ZYG11A: variants seen among roughly 807,000 people sequenced by gnomAD.
The protein encoded by ZYG11A is zyg-11 family member A, cell cycle regulator, also known as protein zyg-11 homolog A.
Under a neutral mutation model 77.2 loss-of-function variants are expected in ZYG11A, and 62 were observed. That is an observed-to-expected ratio of 0.80 (90% CI 0.65 to 0.99). ZYG11A has a LOEUF of 0.99. Among genes scored for constraint, ZYG11A ranks in the 50% least tolerant of loss-of-function variants. ZYG11A has a pLI of 0.00. For missense variants in ZYG11A, 828 were observed against 896.8 expected (o/e 0.92, Z 0.98); for synonymous variants, 315 against 324.6 (o/e 0.97, Z 0.32).
intron 1 of ZYG11A, among the ~76,000 whole-genome samples, chr1:52,845,547 C>T (rs1283429194): frequency 6.6e-6 from 1 of 151,614 alleles, no homozygotes; most frequent in Non-Finnish European, 1.5e-5. Flanking sequence ...TGGTCCTGAA[C>T]TCCTGGCCTC....
At position 52,854,632 on chromosome 1, in the gene ZYG11A, T is replaced by TAGTG. The variant is rs1477713866; in HGVS notation, c.256+4_256+7dup. 3.3e-6 allele frequency: 5 copies of TAGTG among 1,529,104 alleles called. No individual in the cohort carries two copies. In the East Asian group the frequency reaches 9.9e-5, roughly 30 times the overall value. The allele number at this position is 1,529,104 out of a possible 1,614,324, so 94.7% of individuals were successfully genotyped here. ...TTCTCAGGGTGATGACTTGGCAAGG[T>TAGTG]AGTGATAAGGCTTCTCTAAAGTCAG... is the stretch of plus-strand genomic sequence containing the variant. On this transcript the variant is annotated splice_region_variant and intron_variant, in intron 2 of 13. Transcript: ENST00000371528.
At chr1:52,860,240 G>T (rs1245816312) in intron 3 of ZYG11A, among the ~76,000 whole-genome samples, 1 of 152,026 alleles carries the variant, frequency 6.6e-6, no homozygotes, top group Non-Finnish European at 1.5e-5. Context: ...TAGAGGCGAG[G>T]TCTCACTATG....
At chr1:52,863,021 CT>C in intron 4 of ZYG11A, among the ~76,000 whole-genome samples, 1 of 152,024 alleles carries the variant, frequency 6.6e-6, no homozygotes, top group Non-Finnish European at 1.5e-5. Context: ...TTCTAAATTT[CT>C]TTTCATACCA....
intron 12 of ZYG11A, among the ~76,000 whole-genome samples, chr1:52,886,699 ATT>A (rs386366962): frequency 2.9e-5 from 2 of 69,104 alleles, no homozygotes; most frequent in African/African-American, 1.3e-4. Flanking sequence ...GGCCCAGCTA[ATT>A]TTTTTTTTTT....
At chr1:52,853,799 T>A (rs2149991368) in intron 1 of ZYG11A, among the ~76,000 whole-genome samples, 1 of 152,186 alleles carries the variant, frequency 6.6e-6, no homozygotes, top group East Asian at 1.9e-4. Context: ...TCCCAGTTAC[T>A]CAGGAGGCTG....
intron 1 of ZYG11A, among the ~76,000 whole-genome samples, chr1:52,853,254 A>G (rs1043421407): frequency 2.0e-5 from 3 of 152,224 alleles, no homozygotes; most frequent in Non-Finnish European, 4.4e-5. Flanking sequence ...AATTTGAAGT[A>G]TGGTTTCTAC....
chr1:52,870,943 C>G (rs1252033207), intron 8 of ZYG11A, among the ~76,000 whole-genome samples: 1 of 151,956 alleles, frequency 6.6e-6, no homozygotes, highest in African/African-American at 2.4e-5. Flanking sequence ...AAGCCTTTGA[C>G]TATGATATTG....
At chr1:52,879,063 C>CT (rs1290128614) in intron 10 of ZYG11A, among the ~76,000 whole-genome samples, 1 of 150,574 alleles carries the variant, frequency 6.6e-6, no homozygotes, top group African/African-American at 2.4e-5. Context: ...TCCAGGAAGT[C>CT]TATTTTTTAG....
rs1168315038 is a variant in ZYG11A, at chr1:52,893,137, T to C, written c.*180T>C. ...ATGATAGCTGTAATCCCAAGTCAAG[T>C]TGGACTCATTCTGCAGCCTTTCAGC... On this transcript the variant is annotated 3_prime_UTR_variant, in exon 14 of 14. Transcript: ENST00000371528. 5 of 593,956 alleles carry C rather than the reference T, an allele frequency of 8.4e-6. No homozygotes were observed. Among genetic ancestry groups the C allele is most frequent in the South Asian group, 6.8e-5 (3 of 44,194 alleles). The allele number at this position is 593,956 out of a possible 1,614,324, so 36.8% of individuals were successfully genotyped here. A position where few individuals can be genotyped will look rare whatever the true frequency, so the allele number is the denominator to read the frequency against.
At chr1:52,869,560 G>C (rs1419447838) in intron 8 of ZYG11A, among the ~76,000 whole-genome samples, 1 of 151,600 alleles carries the variant, frequency 6.6e-6, no homozygotes, top group Non-Finnish European at 1.5e-5. Flanking sequence ...CAGGGTTGGG[G>C]GTAAGGTCAT....
chr1:52,877,230 C>G (rs80220757), intron 8 of ZYG11A, among the ~76,000 whole-genome samples: 1 of 152,164 alleles, frequency 6.6e-6, no homozygotes. Flanking sequence ...AGGCTTCCCT[C>G]TCCTACCCTT....
intron 10 of ZYG11A, among the ~76,000 whole-genome samples, chr1:52,878,969 AAAAAAAC>A (rs71044435): frequency 0.29 from 35,321 of 122,856 alleles, 6,747 homozygotes; most frequent in Non-Finnish European, 0.45. Flanking sequence ...AAAAAAAAAA[AAAAAAAC>A]AAACCAAAAA....
chr1:52,866,768 C>T (rs1039181298), intron 6 of ZYG11A, among the ~76,000 whole-genome samples: 7 of 152,068 alleles, frequency 4.6e-5, no homozygotes, highest in East Asian at 1.9e-4. Context: ...GAACAGGCTC[C>T]GAGAGCCAAA....
Position 52,893,097 on chromosome 1 carries a change from A to G in ZYG11A, c.*140A>G, listed in dbSNP as rs1227646393. The G allele has an allele frequency of 2.6e-6, 2 of 774,274 alleles. No individual in the cohort carries two copies. The highest frequency in any genetic ancestry group is 4.0e-6 in the Non-Finnish European group (2 of 498,364). 48.0% of individuals were successfully genotyped at this position (774,274 alleles called of 1,614,324 possible). On this transcript the variant is annotated 3_prime_UTR_variant, in exon 14 of 14. Coordinates refer to ENST00000371528, the MANE Select transcript of ZYG11A (RefSeq NM_001004339.3). ...GATTGTTGATTTTATATATGTTACA[A>G]AAGGTTGGATTTGTATGATAGCTGT...
Position 52,881,475 on chromosome 1 carries a change from A to G in ZYG11A, c.1754A>G (p.Asn585Ser), listed in dbSNP as rs1293815973. ...TCTGCTCCATCTGACCTGTAGAACA[A>G]CATAGCAGAAGTCAGAGAGCTCTCT... ...IQSKVLGLLN[N>S]IAEVRELSSK... The change falls in exon 11 of 14, where the codon AAC (asparagine) becomes AGC (serine). Residue 585 changes from asparagine (N) to serine (S), a missense_variant. Coordinates refer to ENST00000371528, the MANE Select transcript of ZYG11A (RefSeq NM_001004339.3). 5.2e-6 allele frequency: 8 copies of G among 1,549,120 alleles called. No homozygotes were observed. In the African/African-American group the frequency reaches 9.6e-5, roughly 19 times the overall value.
Position 52,877,849 on chromosome 1 carries a change from A to G in ZYG11A, c.1704+6A>G, listed in dbSNP as rs1464480751. ...TCTTCATCCAAGTCTTGGAGGTGGGAAGACAGGATTGAGTTTATATGTAAA... is the reference window on the plus strand; with the variant it reads ...TCTTCATCCAAGTCTTGGAGGTGGGGAGACAGGATTGAGTTTATATGTAAA... On this transcript the variant is annotated splice_donor_region_variant and intron_variant, in intron 9 of 13. Transcript: ENST00000371528. 6.4e-7 allele frequency: 1 copy of G among 1,551,196 alleles called. No individual in the cohort carries two copies. The highest frequency in any genetic ancestry group is 1.4e-5 in the African/African-American group (1 of 72,998).
intron 1 of ZYG11A, among the ~76,000 whole-genome samples, chr1:52,847,288 A>C (rs754507266): frequency 6.6e-6 from 1 of 152,048 alleles, no homozygotes; most frequent in Admixed American, 6.6e-5. Context: ...GCTGGTTTTG[A>C]ATTCCTGACC....
chr1:52,880,865 C>G (rs74341708), intron 10 of ZYG11A, among the ~76,000 whole-genome samples: 2,581 of 152,282 alleles, frequency 0.017, 47 homozygotes, highest in African/African-American at 0.057. Context: ...TTGATTGCAG[C>G]CCTGTGAGAT....
intron 1 of ZYG11A, among the ~76,000 whole-genome samples, chr1:52,851,269 C>G (rs1645705587): frequency 6.6e-6 from 1 of 152,140 alleles, no homozygotes; most frequent in Non-Finnish European, 1.5e-5. Context: ...TGGTCTTGAA[C>G]TCCTCAGCTC....
Sources: gnomAD v4.1 joint callset for allele counts (sites outside exome capture counted in the v4.1 genomes callset) on GRCh38, gnomAD v4.1.1 for gene constraint, MANE v1.5 for transcripts, NCBI Gene and HGNC (gene_info 2026-07-23, HGNC 2026-07-21) for gene names.